PIP4K2A: variants seen among roughly 807,000 people sequenced by gnomAD.
PIP4K2A encodes the protein phosphatidylinositol 5-phosphate 4-kinase type-2 alpha.
PIP4K2A carries 14 observed loss-of-function variants against 42.9 expected under a neutral mutation model. The observed-to-expected ratio is 0.33, with a 90% CI of 0.22 to 0.51. The LOEUF (loss-of-function observed/expected upper bound fraction) is 0.51. Among genes scored for constraint, PIP4K2A ranks in the 20% least tolerant of loss-of-function variants. PIP4K2A has a pLI of 0.97. For synonymous variants in PIP4K2A, 192 were observed against 192.2 expected (o/e 1.00, Z 0.01); for missense variants, 434 against 519.8 (o/e 0.83, Z 1.61).
intron 3 of PIP4K2A, among the ~76,000 whole-genome samples, chr10:22,603,087 C>T (rs1418524704): frequency 1.3e-5 from 2 of 152,160 alleles, no homozygotes; most frequent in Admixed American, 1.3e-4. Context: ...TATTTCTAAA[C>T]TTGAAATAAG....
chr10:22,670,791 A>G (rs1189625117), intron 1 of PIP4K2A, among the ~76,000 whole-genome samples: 1 of 152,210 alleles, frequency 6.6e-6, no homozygotes, highest in African/African-American at 2.4e-5. Flanking sequence ...ACACTTGATT[A>G]TCTCTTTGCA....
At chr10:22,576,046 A>G (rs958033468) in intron 4 of PIP4K2A, among the ~76,000 whole-genome samples, 6 of 152,216 alleles carry the variant, frequency 3.9e-5, no homozygotes, top group African/African-American at 1.2e-4. Context: ...ATGAATACCT[A>G]AAACTCCTGA....
intron 1 of PIP4K2A, among the ~76,000 whole-genome samples, chr10:22,645,561 A>AAAAAAG (rs1449823758): frequency 2.0e-5 from 3 of 150,850 alleles, no homozygotes; most frequent in Admixed American, 6.6e-5. Flanking sequence ...AAAAAAAAAA[A>AAAAAAG]AAAAGAAAAG....
rs1564459952 is a variant in PIP4K2A at position 22,664,108 on chromosome 10, T to C, written c.144+50075A>G. On this transcript the variant is annotated intron_variant, in intron 1 of 9. Coordinates refer to ENST00000376573, the MANE Select transcript of PIP4K2A (RefSeq NM_005028.5). ...ATATATACATATATATATATACATA[T>C]ATATATACATATATATATATACATA... Among the ~76,000 whole-genome samples, 28 of 71,850 alleles carry C rather than the reference T, an allele frequency of 3.9e-4. 1 individual carries two copies. The highest frequency in any genetic ancestry group is 1.0e-3 in the African/African-American group (9 of 8,672). The allele number at this position is 71,850 out of a possible 152,430, so 47.1% of individuals were successfully genotyped here.
At chr10:22,627,500 C>T (rs1370024282) in intron 1 of PIP4K2A, among the ~76,000 whole-genome samples, 3 of 146,328 alleles carry the variant, frequency 2.1e-5, no homozygotes, top group Admixed American at 1.4e-4. Context: ...TTTACATAAA[C>T]TCTAATACAT....
chr10:22,605,971 TGTTAAA>T (rs1305274226), intron 3 of PIP4K2A, among the ~76,000 whole-genome samples: 4 of 152,174 alleles, frequency 2.6e-5, no homozygotes, highest in South Asian at 2.1e-4. Context: ...AATAATTTTC[TGTTAAA>T]GTTAATTATT....
intron 1 of PIP4K2A, among the ~76,000 whole-genome samples, chr10:22,632,627 G>C (rs1033112916): frequency 6.6e-6 from 1 of 152,124 alleles, no homozygotes; most frequent in African/African-American, 2.4e-5. Context: ...CATGACCTCC[G>C]GTGTAGGCCA....
At chr10:22,580,174 ATAAT>A (rs1837232812) in intron 4 of PIP4K2A, among the ~76,000 whole-genome samples, 1 of 151,980 alleles carries the variant, frequency 6.6e-6, no homozygotes, top group African/African-American at 2.4e-5. Flanking sequence ...AGGACTCTCC[ATAAT>A]TAATAATGCT....
chr10:22,705,401 T>C (rs1833798969), intron 1 of PIP4K2A, among the ~76,000 whole-genome samples: 1 of 124,124 alleles, frequency 8.1e-6, no homozygotes, highest in South Asian at 2.7e-4. Flanking sequence ...TTACCCCCTT[T>C]ACGTATTATA....
At chr10:22,710,499 C>T (rs1833894596) in intron 1 of PIP4K2A, among the ~76,000 whole-genome samples, 1 of 152,178 alleles carries the variant, frequency 6.6e-6, no homozygotes, top group Non-Finnish European at 1.5e-5. Flanking sequence ...TTTGGGGGAG[C>T]AGAAATGACA....
At position 22,609,687 on chromosome 10, in the gene PIP4K2A, C is replaced by T. The variant is rs749394954; in HGVS notation, c.175G>A (p.Val59Ile). The T allele has an allele frequency of 1.9e-6, 3 of 1,608,966 alleles. No individual in the cohort carries two copies. The highest frequency in any genetic ancestry group is 1.3e-5 in the African/African-American group (1 of 74,928). The change falls in exon 2 of 10, where the codon GTT becomes ATT. Residue 59 changes from valine (V) to isoleucine (I), a missense_variant. Around this residue, in one of 2 missense-constraint regions of PIP4K2A, gnomAD observed 395 missense variants for 444.5 expected, o/e 0.89. Coordinates refer to ENST00000376573, the MANE Select transcript of PIP4K2A (RefSeq NM_005028.5). The stretch of plus-strand genomic sequence containing the variant: ...TTGAAGTCATCTGGCATCAACATAA[C>T]AGGGATTTGAACATGGCTCAGTTCA... ...INELSHVQIP[V>I]MLMPDDFKAY...
chr10:22,543,630 C>G (rs1259162876), intron 7 of PIP4K2A, among the ~76,000 whole-genome samples: 2 of 152,176 alleles, frequency 1.3e-5, no homozygotes, highest in African/African-American at 4.8e-5. Context: ...AGATTCCTTT[C>G]CAGCAGTCAG....
intron 1 of PIP4K2A, among the ~76,000 whole-genome samples, chr10:22,627,493 A>C (rs759492041): frequency 2.0e-5 from 3 of 151,028 alleles, no homozygotes; most frequent in Non-Finnish European, 2.9e-5. Context: ...TATCTCTTTT[A>C]CATAAACTCT....
chr10:22,601,143 A>C (rs1235158929), intron 3 of PIP4K2A, among the ~76,000 whole-genome samples: 16 of 131,258 alleles, frequency 1.2e-4, no homozygotes, highest in Admixed American at 1.0e-3. Flanking sequence ...AAAAAAAAAA[A>C]AAAAAAAAAA....
chr10:22,676,745 T>C (rs1839568338), intron 1 of PIP4K2A, among the ~76,000 whole-genome samples: 2 of 152,168 alleles, frequency 1.3e-5, no homozygotes, highest in South Asian at 4.1e-4. Context: ...GTGCTGAGGA[T>C]ACAGAGCTGA....
intron 1 of PIP4K2A, among the ~76,000 whole-genome samples, chr10:22,670,629 AAT>A (rs773253204): frequency 1.3e-5 from 2 of 152,186 alleles, no homozygotes; most frequent in African/African-American, 2.4e-5. Flanking sequence ...CATTTTCCAT[AAT>A]ATGTTATTTA....
chr10:22,645,640 A>C, intron 1 of PIP4K2A, among the ~76,000 whole-genome samples: 1 of 151,448 alleles, frequency 6.6e-6, no homozygotes, highest in South Asian at 2.1e-4. Context: ...AACTTTGTTA[A>C]AGTAACAAGT....
At chr10:22,619,953 T>G (rs1244339394) in intron 1 of PIP4K2A, among the ~76,000 whole-genome samples, 3 of 152,228 alleles carry the variant, frequency 2.0e-5, no homozygotes, top group African/African-American at 4.8e-5. Context: ...AGGTCATCCT[T>G]TCCAGGGTCC....
At chr10:22,643,087 T>C (rs918139959) in intron 1 of PIP4K2A, among the ~76,000 whole-genome samples, 4 of 152,096 alleles carry the variant, frequency 2.6e-5, no homozygotes, top group Non-Finnish European at 4.4e-5. Flanking sequence ...CTGTGGGTGA[T>C]GGACACCTCA....
Sources: gnomAD v4.1 joint callset for allele counts (sites outside exome capture counted in the v4.1 genomes callset) on GRCh38, gnomAD v4.1.1 for gene constraint, gnomAD v4.1.1 regional missense constraint, MANE v1.5 for transcripts, NCBI Gene and HGNC (gene_info 2026-07-23, HGNC 2026-07-21) for gene names.